The following LRRC4C variants were observed in gnomAD, a reference collection of about 807,000 sequenced individuals.
LRRC4C encodes the protein leucine-rich repeat-containing protein 4C.
LRRC4C carries 5 observed loss-of-function variants against 33.6 expected under a neutral mutation model. The observed-to-expected ratio is 0.15, with a 90% CI of 0.08 to 0.31. The LOEUF is 0.31. Among genes scored for constraint, LRRC4C ranks in the 10% least tolerant of loss-of-function variants. The pLI, the probability that LRRC4C is intolerant of heterozygous loss-of-function variation, is 1.00. For missense variants in LRRC4C, 560 were observed against 796.7 expected, an observed-to-expected ratio of 0.70 and a Z score of 3.58; for synonymous variants, 329 against 302.0, an observed-to-expected ratio of 1.09 and a Z score of -0.93.
intron 1 of LRRC4C, among the ~76,000 whole-genome samples, chr11:41,253,837 C>T (rs902410824): frequency 3.9e-5 from 6 of 152,028 alleles, no homozygotes; most frequent in African/African-American, 9.7e-5. Context: ...AGACTAATGA[C>T]GGCGGCAGTT....
At chr11:40,393,653 A>G (rs1949423998) in intron 3 of LRRC4C, among the ~76,000 whole-genome samples, 2 of 152,170 alleles carry the variant, frequency 1.3e-5, no homozygotes, top group South Asian at 4.1e-4. Flanking sequence ...AACAACTCCC[A>G]AAGAGTAACA....
chr11:40,438,826 T>G (rs1026782519), intron 3 of LRRC4C, among the ~76,000 whole-genome samples: 8 of 152,120 alleles, frequency 5.3e-5, no homozygotes, highest in African/African-American at 1.7e-4. Flanking sequence ...AATGTCAATA[T>G]CTATTCTTAA....
At chr11:40,982,470 T>A (rs763955374) in intron 1 of LRRC4C, among the ~76,000 whole-genome samples, 1 of 152,152 alleles carries the variant, frequency 6.6e-6, no homozygotes, top group Non-Finnish European at 1.5e-5. Flanking sequence ...AGTATGATAA[T>A]GAACTAGACC....
intron 3 of LRRC4C, among the ~76,000 whole-genome samples, chr11:40,381,887 A>G (rs982521447): frequency 1.3e-5 from 2 of 149,364 alleles, no homozygotes; most frequent in African/African-American, 4.9e-5. Flanking sequence ...TTAAGCTATG[A>G]TTTTAGGGAG....
intron 1 of LRRC4C, among the ~76,000 whole-genome samples, chr11:41,366,146 A>G (rs1012705879): frequency 1.6e-4 from 25 of 152,166 alleles, no homozygotes; most frequent in African/African-American, 5.8e-4. Flanking sequence ...ATATAAGCAT[A>G]TATGTGTGCC....
At chr11:40,307,156 C>T (rs373946867) in intron 4 of LRRC4C, among the ~76,000 whole-genome samples, 95 of 152,054 alleles carry the variant, frequency 6.2e-4, no homozygotes, top group African/African-American at 2.2e-3. Flanking sequence ...CCCCACTCCA[C>T]CTCCTCACCC....
chr11:40,208,873 T>G (rs1863358982), intron 5 of LRRC4C, among the ~76,000 whole-genome samples: 1 of 152,122 alleles, frequency 6.6e-6, no homozygotes, highest in Non-Finnish European at 1.5e-5. Context: ...CTCGGTAGTT[T>G]AAAATTAGCC....
At chr11:40,289,930 A>G (rs1944079585) in intron 4 of LRRC4C, among the ~76,000 whole-genome samples, 1 of 152,154 alleles carries the variant, frequency 6.6e-6, no homozygotes, top group Non-Finnish European at 1.5e-5. Context: ...GGAAAGTTGC[A>G]TGTATACATT....
At chr11:41,306,658 G>T (rs915505557) in intron 1 of LRRC4C, among the ~76,000 whole-genome samples, 9 of 152,204 alleles carry the variant, frequency 5.9e-5, no homozygotes, top group African/African-American at 1.7e-4. Flanking sequence ...ATGGTGATGA[G>T]TAATATGAAA....
At chr11:40,587,554 A>C (rs1292538063) in intron 3 of LRRC4C, among the ~76,000 whole-genome samples, 2 of 141,438 alleles carry the variant, frequency 1.4e-5, no homozygotes, top group Admixed American at 7.1e-5. Context: ...GTCTTGTGCC[A>C]GTTTTCAAAG....
rs71060985 is a variant in LRRC4C, at chr11:40,876,901, C to CAA, written c.-407+56732_-407+56733dup. On this transcript the variant is annotated intron_variant, in intron 2 of 6. Coordinates refer to ENST00000528697, the MANE Select transcript of LRRC4C (RefSeq NM_001258419.2). ...CTGGCAACAGAGCGAGGCTCTTTCT[C>CAA]AAAAAAAAAAAAAAAAAAAAAAATC... 2.6e-3 allele frequency among the ~76,000 whole-genome samples: 261 copies of CAA among 98,798 alleles called. 1 individual carries two copies. The highest frequency in any genetic ancestry group is 8.4e-3 in the African/African-American group (226 of 26,992). The allele number at this position is 98,798 out of a possible 152,430, so 64.8% of individuals were successfully genotyped here. A position where few individuals can be genotyped will look rare whatever the true frequency, so the allele number is the denominator to read the frequency against.
chr11:40,315,825 T>C (rs1195047456), intron 4 of LRRC4C, among the ~76,000 whole-genome samples: 1 of 152,002 alleles, frequency 6.6e-6, no homozygotes, highest in African/African-American at 2.4e-5. Context: ...CAGCGGTTTA[T>C]AAAAATGCTC....
At chr11:40,749,947 A>G (rs1259917870) in intron 2 of LRRC4C, among the ~76,000 whole-genome samples, 1 of 152,160 alleles carries the variant, frequency 6.6e-6, no homozygotes, top group Non-Finnish European at 1.5e-5. Context: ...AGAAATATAA[A>G]ACCTGAACAG....
intron 1 of LRRC4C, among the ~76,000 whole-genome samples, chr11:41,448,041 G>C (rs920053190): frequency 4.0e-5 from 6 of 148,626 alleles, no homozygotes; most frequent in African/African-American, 1.5e-4. Context: ...AATTTGTAAT[G>C]GGTCTCCAAC....
At chr11:41,106,495 A>T (rs766020279) in intron 1 of LRRC4C, among the ~76,000 whole-genome samples, 1 of 151,904 alleles carries the variant, frequency 6.6e-6, no homozygotes, top group Admixed American at 6.6e-5. Flanking sequence ...AAAATTACTC[A>T]CTGTCACCTA....
intron 5 of LRRC4C, among the ~76,000 whole-genome samples, chr11:40,150,761 A>G (rs1465479209): frequency 6.6e-6 from 1 of 152,070 alleles, no homozygotes; most frequent in African/African-American, 2.4e-5. Flanking sequence ...CTTTCAATCT[A>G]CCATTCTGAC....
chr11:41,002,747 A>G (rs1475715056), intron 1 of LRRC4C, among the ~76,000 whole-genome samples: 1 of 152,218 alleles, frequency 6.6e-6, no homozygotes, highest in Non-Finnish European at 1.5e-5. Flanking sequence ...AGCATCACAG[A>G]AGAAAAGTAG....
intron 3 of LRRC4C, among the ~76,000 whole-genome samples, chr11:40,602,092 G>T (rs540130170): frequency 1.3e-5 from 2 of 151,546 alleles, no homozygotes; most frequent in Non-Finnish European, 2.9e-5. Flanking sequence ...CTACTTGGGC[G>T]GCTGAGGCAG....
At chr11:41,196,708 C>T in intron 1 of LRRC4C, among the ~76,000 whole-genome samples, 1 of 151,954 alleles carries the variant, frequency 6.6e-6, no homozygotes, top group Non-Finnish European at 1.5e-5. Context: ...TAAACGGATG[C>T]ATGAATGAAT....
Sources: allele counts gnomAD v4.1 joint callset (sites outside exome capture counted in the v4.1 genomes callset), GRCh38; gene constraint gnomAD v4.1.1; transcripts MANE v1.5; gene names NCBI Gene and HGNC (gene_info 2026-07-23, HGNC 2026-07-21).